HIVEP1: variants seen among roughly 807,000 people sequenced by gnomAD.
HIVEP1 encodes the protein zinc finger protein 40.
HIVEP1 carries 36 observed loss-of-function variants against 180.0 expected under a neutral mutation model. That is an observed-to-expected ratio of 0.20 (90% CI 0.15 to 0.26). The LOEUF is 0.26. Among genes scored for constraint, HIVEP1 ranks in the 10% least tolerant of loss-of-function variants. HIVEP1 has a pLI of 1.00. For synonymous variants in HIVEP1, 1,239 were observed against 1,239.0 expected, an observed-to-expected ratio of 1.00 and a Z score of 0.00; for missense variants, 3,143 against 3,268.7, an observed-to-expected ratio of 0.96 and a Z score of 0.94.
At chr6:12,100,043 G>A (rs1774022197) in intron 3 of HIVEP1, among the ~76,000 whole-genome samples, 1 of 152,174 alleles carries the variant, frequency 6.6e-6, no homozygotes. Flanking sequence ...TAGTTATTTT[G>A]TGATATCATA....
rs561298524 is a variant in HIVEP1, at chr6:12,018,503, G to C, written c.40+2835G>C. On this transcript the variant is annotated intron_variant, in intron 2 of 8. Coordinates refer to ENST00000379388, the MANE Select transcript of HIVEP1 (RefSeq NM_002114.4). ...GATAAAATGATAAAACACAGGTCTC[G>C]AAAGAAGAATGGAGTTGAAGAGCTG... Among the ~76,000 whole-genome samples, 4 of 152,368 alleles carry C rather than the reference G, an allele frequency of 2.6e-5. No homozygotes were observed. In the South Asian group the frequency reaches 6.2e-4, roughly 24 times the overall value.
At chr6:12,053,884 A>T (rs969069542) in intron 2 of HIVEP1, among the ~76,000 whole-genome samples, 3 of 152,206 alleles carry the variant, frequency 2.0e-5, no homozygotes, top group Non-Finnish European at 2.9e-5. Flanking sequence ...CGTATCTTTT[A>T]CTTAAGGTCA....
chr6:12,018,244 C>T (rs1317964764), intron 2 of HIVEP1, among the ~76,000 whole-genome samples: 4 of 152,200 alleles, frequency 2.6e-5, no homozygotes, highest in East Asian at 3.9e-4. Flanking sequence ...CCACGCGCGG[C>T]CCCCGTTCCT....
At position 12,164,540 on chromosome 6, in the gene HIVEP1, A is replaced by AT; in HGVS notation, c.*84dup. ...GAAAACCCTCCTTTCCTTAAAGCAC[A>AT]TTTTTCTGACATAAACTCATGACTA... On this transcript the variant is annotated 3_prime_UTR_variant, in exon 9 of 9. Coordinates refer to ENST00000379388, the MANE Select transcript of HIVEP1 (RefSeq NM_002114.4). The AT allele has an allele frequency of 9.1e-7, 1 of 1,102,816 alleles. No homozygotes were observed. Among genetic ancestry groups the AT allele is most frequent in the Non-Finnish European group, 1.3e-6 (1 of 789,684 alleles). 68.3% of individuals were successfully genotyped at this position (1,102,816 alleles called of 1,614,324 possible). A position where few individuals can be genotyped will look rare whatever the true frequency, so the allele number is the denominator to read the frequency against.
chr6:12,086,412 C>T (rs183581499), intron 2 of HIVEP1, among the ~76,000 whole-genome samples: 87 of 152,132 alleles, frequency 5.7e-4, no homozygotes, highest in Middle Eastern at 3.4e-3. Flanking sequence ...TTTTAGGTAA[C>T]AGCAACAGAG....
At chr6:12,029,995 G>A (rs990319778) in intron 2 of HIVEP1, among the ~76,000 whole-genome samples, 5 of 152,040 alleles carry the variant, frequency 3.3e-5, no homozygotes, top group East Asian at 1.9e-4. Context: ...TAGCAGCAAC[G>A]TTGCTTTTTT....
At chr6:12,060,884 A>T (rs965527811) in intron 2 of HIVEP1, among the ~76,000 whole-genome samples, 4 of 152,116 alleles carry the variant, frequency 2.6e-5, no homozygotes, top group African/African-American at 7.2e-5. Flanking sequence ...GAAAATGGGG[A>T]TGTTGTGACT....
chr6:12,101,166 C>G (rs1016500932), intron 3 of HIVEP1, among the ~76,000 whole-genome samples: 1 of 152,206 alleles, frequency 6.6e-6, no homozygotes, highest in Non-Finnish European at 1.5e-5. Flanking sequence ...CCAGCTATAT[C>G]ATAGCCAAAG....
upstream of HIVEP1, among the ~76,000 whole-genome samples, chr6:12,011,269 G>GT (rs1767267273): frequency 2.6e-5 from 2 of 75,702 alleles, no homozygotes; most frequent in Non-Finnish European, 5.6e-5. Context: ...CCCCCTTGGG[G>GT]TCCCCCCCCC....
At chr6:12,149,381 C>T (rs1387981306) in intron 7 of HIVEP1, among the ~76,000 whole-genome samples, 1 of 152,070 alleles carries the variant, frequency 6.6e-6, no homozygotes, top group African/African-American at 2.4e-5. Flanking sequence ...GTTTATAGGA[C>T]ACATTTGGGG....
intron 2 of HIVEP1, among the ~76,000 whole-genome samples, chr6:12,051,016 A>ATATATATATATATATATATG (rs1337110740): frequency 1.0e-4 from 14 of 135,832 alleles, no homozygotes; most frequent in Admixed American, 2.2e-4. Context: ...ATATATATAT[A>ATATATATATATATATATATG]TATATATATA....
At position 12,084,836 on chromosome 6, in the gene HIVEP1, G is replaced by A. The variant is rs151196886; in HGVS notation, c.41-4348G>A. Among the ~76,000 whole-genome samples the A allele has an allele frequency of 3.0e-3, 464 of 152,194 alleles. 1 individual carries two copies. Among genetic ancestry groups the A allele is most frequent in the Middle Eastern group, 0.01 (3 of 294 alleles). ...AGGCTATATGGTACCCAGCAGAACAGCATGAGAGAAGGATGAGCTGATAGA... is the reference window on the plus strand; with the variant it reads ...AGGCTATATGGTACCCAGCAGAACAACATGAGAGAAGGATGAGCTGATAGA... On this transcript the variant is annotated intron_variant, in intron 2 of 8. Coordinates refer to ENST00000379388, the MANE Select transcript of HIVEP1 (RefSeq NM_002114.4).
chr6:12,036,246 A>G (rs1396937957), intron 2 of HIVEP1, among the ~76,000 whole-genome samples: 1 of 152,246 alleles, frequency 6.6e-6, no homozygotes, highest in Non-Finnish European at 1.5e-5. Context: ...GCAAAACAGT[A>G]GAAGTGCCTT....
chr6:12,035,848 A>G (rs1420920046), intron 2 of HIVEP1, among the ~76,000 whole-genome samples: 1 of 152,226 alleles, frequency 6.6e-6, no homozygotes, highest in African/African-American at 2.4e-5. Flanking sequence ...CCAGAAACAA[A>G]AAGCATGACA....
downstream of HIVEP1, chr6:12,165,002 A>G (rs1003344566): frequency 1.8e-5 from 7 of 384,924 alleles, no homozygotes; most frequent in Non-Finnish European, 3.5e-5. Flanking sequence ...TGACTTTACC[A>G]TTGCTTCAGT....
Position 12,124,392 on chromosome 6 carries a change from G to A in HIVEP1, c.4597G>A (p.Val1533Met), listed in dbSNP as rs375489305. The stretch of plus-strand genomic sequence containing the variant: ...CCAGAGCACACAGCTATCTCTGCAA[G>A]TGTCTACGCAGGGTAGCAAGCCAGA... The part of the protein sequence containing the change: ...SHQSTQLSLQ[V>M]STQGSKPDKN... The change falls in exon 4 of 9, where the codon GTG (valine) becomes ATG (methionine). Residue 1533 changes from valine to methionine, a missense_variant. By Grantham distance (21) the Val-to-Met change is conservative. Around this residue, in one of 12 missense-constraint regions of HIVEP1, gnomAD observed 1,357 missense variants for 1,260.5 expected, o/e 1.08. Coordinates refer to ENST00000379388, the MANE Select transcript of HIVEP1 (RefSeq NM_002114.4). 1 of 1,614,118 alleles carries A rather than the reference G, an allele frequency of 6.2e-7. No homozygotes were observed. The highest frequency in any genetic ancestry group is 2.2e-5 in the East Asian group (1 of 44,886).
intron 2 of HIVEP1, among the ~76,000 whole-genome samples, chr6:12,068,130 G>T (rs1262251137): frequency 6.6e-6 from 1 of 152,094 alleles, no homozygotes; most frequent in Non-Finnish European, 1.5e-5. Flanking sequence ...CGCCCTCGTT[G>T]CCCAGGCTGG....
chr6:12,170,878 T>C, the HIVEP1 span, among the ~76,000 whole-genome samples: 2 of 152,094 alleles, frequency 1.3e-5, no homozygotes, highest in Non-Finnish European at 2.9e-5. Context: ...AGGGAAGTAA[T>C]GCAGAGGAGG....
At chr6:12,072,482 A>C (rs1371945014) in intron 2 of HIVEP1, among the ~76,000 whole-genome samples, 1 of 151,762 alleles carries the variant, frequency 6.6e-6, no homozygotes, top group African/African-American at 2.4e-5. Flanking sequence ...TATCCTTTAG[A>C]GTCATCTTCC....
Sources: allele counts gnomAD v4.1 joint callset (sites outside exome capture counted in the v4.1 genomes callset), GRCh38; gene constraint gnomAD v4.1.1; regional missense constraint gnomAD v4.1.1; transcripts MANE v1.5; gene names NCBI Gene and HGNC (gene_info 2026-07-23, HGNC 2026-07-21).